Variants in DLGAP1 observed in about 807,000 individuals in gnomAD.
DLGAP1 encodes disks large-associated protein 1.
Under a neutral mutation model 90.8 loss-of-function variants are expected in DLGAP1, and 11 were observed. The observed-to-expected ratio is 0.12, with a 90% CI of 0.08 to 0.20. The LOEUF (loss-of-function observed/expected upper bound fraction) is 0.20. Ranked by LOEUF, DLGAP1 falls within the 10% of genes least tolerant of loss-of-function variation. The pLI is 1.00. For synonymous variants in DLGAP1, 558 were observed against 540.7 expected, an observed-to-expected ratio of 1.03 and a Z score of -0.44; for missense variants, 1,050 against 1,333.8, an observed-to-expected ratio of 0.79 and a Z score of 3.31.
chr18:4,130,329 C>T (rs1177644728), intron 2 of DLGAP1, among the ~76,000 whole-genome samples: 3 of 152,088 alleles, frequency 2.0e-5, no homozygotes, highest in African/African-American at 7.2e-5. Flanking sequence ...GAAAGGAACA[C>T]ACGAACACAG....
chr18:3,897,839 C>G (rs570673771), intron 3 of DLGAP1, among the ~76,000 whole-genome samples: 13 of 135,346 alleles, frequency 9.6e-5, no homozygotes, highest in Admixed American at 5.9e-4. Flanking sequence ...CCAGGCCGGA[C>G]TGCGGACTGC....
chr18:3,762,017 T>C (rs1483742644), intron 5 of DLGAP1, among the ~76,000 whole-genome samples: 2 of 152,222 alleles, frequency 1.3e-5, no homozygotes, highest in South Asian at 2.1e-4. Context: ...CAAACCATCA[T>C]TTCCCCCACC....
intron 1 of DLGAP1, among the ~76,000 whole-genome samples, chr18:4,373,039 G>A (rs2081949476): frequency 6.6e-6 from 1 of 152,148 alleles, no homozygotes; most frequent in Non-Finnish European, 1.5e-5. Flanking sequence ...GGGTGCACGG[G>A]TGATGGTCAA....
intron 2 of DLGAP1, among the ~76,000 whole-genome samples, chr18:4,043,783 A>G (rs2075010296): frequency 6.6e-6 from 1 of 152,200 alleles, no homozygotes; most frequent in African/African-American, 2.4e-5. Context: ...CTTCAAGGAT[A>G]CATTGGAGCA....
At chr18:3,541,959 C>T (rs752477347) in intron 9 of DLGAP1, among the ~76,000 whole-genome samples, 3 of 152,008 alleles carry the variant, frequency 2.0e-5, no homozygotes, top group Admixed American at 1.3e-4. Flanking sequence ...TTTCTAGAGA[C>T]GAGGAGTGGC....
chr18:3,673,709 G>A (rs1273344469), intron 7 of DLGAP1, among the ~76,000 whole-genome samples: 2 of 151,750 alleles, frequency 1.3e-5, no homozygotes, highest in Non-Finnish European at 2.9e-5. Context: ...ACCATGCCCA[G>A]CTAATTTTTT....
At chr18:3,533,662 A>G (rs1448738475) in intron 10 of DLGAP1, among the ~76,000 whole-genome samples, 2 of 152,056 alleles carry the variant, frequency 1.3e-5, no homozygotes, top group African/African-American at 2.4e-5. Flanking sequence ...GCAGCCTCTA[A>G]CCCCTGGACT....
At chr18:3,522,099 C>CTTTT (rs373400380) in intron 10 of DLGAP1, among the ~76,000 whole-genome samples, 1 of 116,422 alleles carries the variant, frequency 8.6e-6, no homozygotes, top group African/African-American at 3.2e-5. Flanking sequence ...CAAGTTTTGC[C>CTTTT]TTTTTTTTTT....
rs1423474851 is a variant in DLGAP1 at position 4,342,313 on chromosome 18, A to AT, written c.-267+112692dup. Among the ~76,000 whole-genome samples, 1 of 152,128 alleles carries AT rather than the reference A, an allele frequency of 6.6e-6. No homozygotes were observed. The highest frequency in any genetic ancestry group is 6.5e-5 in the Admixed American group (1 of 15,268). Reference sequence around the variant, plus strand: ...ATTTTTTATATTAGATGTTACTTGTATTTTTGAACTATAAAATATTATACT... The same window carrying AT: ...ATTTTTTATATTAGATGTTACTTGTATTTTTTGAACTATAAAATATTATACT... On this transcript the variant is annotated intron_variant, in intron 1 of 12. Transcript: ENST00000315677. The surrounding 1 kb of genome is among the most constrained non-coding windows in gnomAD (Gnocchi z 5.8).
intron 3 of DLGAP1, among the ~76,000 whole-genome samples, chr18:3,920,282 G>C (rs927147058): frequency 6.7e-6 from 1 of 148,482 alleles, no homozygotes; most frequent in Non-Finnish European, 1.5e-5. Context: ...AGCAGAGGTT[G>C]CAGTGAGCCG....
intron 6 of DLGAP1, among the ~76,000 whole-genome samples, chr18:3,740,454 A>G (rs909910084): frequency 1.3e-5 from 2 of 152,102 alleles, no homozygotes; most frequent in Non-Finnish European, 2.9e-5. Flanking sequence ...CAGCACTGAA[A>G]TCCCACATGA....
chr18:4,231,666 C>T (rs989641), intron 1 of DLGAP1, among the ~76,000 whole-genome samples: 10,527 of 152,082 alleles, frequency 0.069, 527 homozygotes, highest in African/African-American at 0.13. Context: ...TCTGGATCCT[C>T]CCATATCCTC....
chr18:3,792,104 G>C (rs950353611), intron 5 of DLGAP1, among the ~76,000 whole-genome samples: 1 of 152,294 alleles, frequency 6.6e-6, no homozygotes, highest in Non-Finnish European at 1.5e-5. Context: ...CTATGCCCCA[G>C]CCCTGTAACC....
chr18:3,969,293 T>C (rs1353134392), intron 3 of DLGAP1, among the ~76,000 whole-genome samples: 3 of 152,164 alleles, frequency 2.0e-5, no homozygotes, highest in Non-Finnish European at 4.4e-5. Context: ...ATAATTGTCA[T>C]CTGAAAAGAA....
At chr18:3,708,010 C>CTTTT (rs71368706) in intron 7 of DLGAP1, among the ~76,000 whole-genome samples, 4 of 145,956 alleles carry the variant, frequency 2.7e-5, no homozygotes, top group African/African-American at 7.6e-5. Context: ...TTTGTAATTC[C>CTTTT]TTTTTTTTTT....
chr18:4,033,467 G>A (rs1018123916), intron 2 of DLGAP1, among the ~76,000 whole-genome samples: 1 of 152,142 alleles, frequency 6.6e-6, no homozygotes, highest in African/African-American at 2.4e-5. Flanking sequence ...TATGGGAAAT[G>A]TATCAGTGAA....
At chr18:4,093,799 T>G (rs1459086567) in intron 2 of DLGAP1, among the ~76,000 whole-genome samples, 1 of 152,172 alleles carries the variant, frequency 6.6e-6, no homozygotes, top group African/African-American at 2.4e-5. Context: ...TTTATCTCTC[T>G]TGGTCTCATT....
At chr18:3,781,538 A>G (rs2065192310) in intron 5 of DLGAP1, among the ~76,000 whole-genome samples, 1 of 151,926 alleles carries the variant, frequency 6.6e-6, no homozygotes, top group African/African-American at 2.4e-5. Context: ...TATTTTTAAT[A>G]GAGATGGGGT....
intron 3 of DLGAP1, among the ~76,000 whole-genome samples, chr18:3,938,489 T>G (rs1222654251): frequency 2.6e-5 from 4 of 152,132 alleles, no homozygotes. Flanking sequence ...CCGAGGGAAG[T>G]GCAGGTGCAA....
Sources: gnomAD v4.1 joint callset for allele counts (sites outside exome capture counted in the v4.1 genomes callset) on GRCh38, gnomAD v4.1.1 for gene constraint, Gnocchi (gnomAD v3.1) non-coding constraint, MANE v1.5 for transcripts, NCBI Gene and HGNC (gene_info 2026-07-23, HGNC 2026-07-21) for gene names.